Variants in PIWIL2 observed in about 807,000 individuals in gnomAD.
PIWIL2 encodes piwi-like protein 2.
Under a neutral mutation model 116.5 loss-of-function variants are expected in PIWIL2, and 81 were observed. That is an observed-to-expected ratio of 0.70 (90% CI 0.58 to 0.84). The LOEUF is 0.84. PIWIL2 is among the 40% of genes least tolerant of loss of function. The probability of loss-of-function intolerance (pLI) is 0.00; values close to 1 mark genes in which losing one functional copy is unlikely to be tolerated. For synonymous variants in PIWIL2, 489 were observed against 429.5 expected (o/e 1.14, Z -1.71); for missense variants, 1,272 against 1,212.3 (o/e 1.05, Z -0.73).
At chr8:22,285,960 A>C (rs1401628590) in intron 6 of PIWIL2, among the ~76,000 whole-genome samples, 1 of 152,086 alleles carries the variant, frequency 6.6e-6, no homozygotes, top group Non-Finnish European at 1.5e-5. Flanking sequence ...CTTCTATACT[A>C]TTTCTAAAGG....
chr8:22,280,715 A>G (rs78341576), intron 2 of PIWIL2, among the ~76,000 whole-genome samples: 7,623 of 152,294 alleles, frequency 0.05, 291 homozygotes, highest in Admixed American at 0.086. Flanking sequence ...GAAATGTATT[A>G]ACCAGTACAC....
At chr8:22,321,836 C>T (rs1186670632) in intron 20 of PIWIL2, 1 of 983,714 alleles carries the variant, frequency 1.0e-6, no homozygotes, top group African/African-American at 1.7e-5. Flanking sequence ...TTATTAATAT[C>T]TTCCCCTAGG....
chr8:22,315,692 G>C (rs1831442031), intron 18 of PIWIL2, among the ~76,000 whole-genome samples: 2 of 152,108 alleles, frequency 1.3e-5, no homozygotes, highest in Admixed American at 1.3e-4. Context: ...TATATGAAGT[G>C]AGTTTTCAGT....
intron 19 of PIWIL2, among the ~76,000 whole-genome samples, chr8:22,317,039 C>T (rs1267731832): frequency 6.6e-6 from 1 of 152,156 alleles, no homozygotes; most frequent in African/African-American, 2.4e-5. Context: ...CTCAGTCTCC[C>T]AAAGTGCTGG....
Position 22,281,490 on chromosome 8 carries a change from G to A in PIWIL2, c.400G>A (p.Ala134Thr). ...KVLAAGDSKM[A>T]ETSVGWSRTL... ...GTTGGCGGCTGGGGACAGCAAGATGGCAGAGACCTCCGTTGGTTGGAGTAG... is the reference window on the plus strand; with the variant it reads ...GTTGGCGGCTGGGGACAGCAAGATGACAGAGACCTCCGTTGGTTGGAGTAG... Residue 134 changes from alanine to threonine, a missense_variant, in exon 4 of 23, where the codon GCA becomes ACA. Coordinates refer to ENST00000356766, the MANE Select transcript of PIWIL2 (RefSeq NM_018068.5). 2 of 1,589,336 alleles carry A rather than the reference G, an allele frequency of 1.3e-6. No homozygotes were observed. The highest frequency in any genetic ancestry group is 1.7e-6 in the Non-Finnish European group (2 of 1,174,188).
Position 22,283,158 on chromosome 8 carries a change from C to A in PIWIL2, c.550C>A (p.Leu184Met). 1 of 1,614,204 alleles carries A rather than the reference C, an allele frequency of 6.2e-7. No homozygotes were observed. Among genetic ancestry groups the A allele is most frequent in the Non-Finnish European group, 8.5e-7 (1 of 1,180,030 alleles). ...FSTPSRGPPQLSSPPALPQSP... is the reference protein window; with the variant it reads ...FSTPSRGPPQMSSPPALPQSP... ...CACACCGTCCCGGGGTCCCCCGCAG[C>A]TGTCATCACCACCAGCTCTGCCCCA... Residue 184 changes from leucine to methionine, a missense_variant, in exon 5 of 23, where the codon CTG becomes ATG. By Grantham distance (15) the Leu-to-Met change is conservative (BLOSUM62 2). Transcript: ENST00000356766.
chr8:22,292,373 T>C (rs1000141201), intron 10 of PIWIL2, among the ~76,000 whole-genome samples: 11 of 152,296 alleles, frequency 7.2e-5, no homozygotes, highest in African/African-American at 2.6e-4. Flanking sequence ...GGTAATCCAG[T>C]GGAGCCATGA....
intron 18 of PIWIL2, among the ~76,000 whole-genome samples, chr8:22,315,763 C>T (rs761572148): frequency 2.6e-5 from 4 of 152,190 alleles, no homozygotes; most frequent in East Asian, 1.9e-4. Context: ...TCCATGACTG[C>T]TTTTGTGTTA....
In PIWIL2 at chr8:22,281,481, A is replaced by G; in HGVS notation, c.391A>G (p.Ser131Gly). Reference sequence around the variant, plus strand: ...TCCAAAAGTGTTGGCGGCTGGGGACAGCAAGATGGCAGAGACCTCCGTTGG... The same window carrying G: ...TCCAAAAGTGTTGGCGGCTGGGGACGGCAAGATGGCAGAGACCTCCGTTGG... ...WDPKVLAAGD[S>G]KMAETSVGWS... is the part of the protein sequence containing the mutation. Residue 131 changes from serine to glycine, a missense_variant, in exon 4 of 23, where the codon AGC becomes GGC. Transcript: ENST00000356766. The G allele has an allele frequency of 6.3e-7, 1 of 1,596,368 alleles. No individual in the cohort carries two copies. The highest frequency in any genetic ancestry group is 8.5e-7 in the Non-Finnish European group (1 of 1,176,038).
chr8:22,315,980 C>G (rs181106028), intron 18 of PIWIL2, among the ~76,000 whole-genome samples: 34 of 152,270 alleles, frequency 2.2e-4, no homozygotes, highest in Non-Finnish European at 3.8e-4. Context: ...AATGCTCAAC[C>G]TGTGTTTTCT....
At position 22,353,082 on chromosome 8, in the gene PIWIL2, T is replaced by G; in HGVS notation, c.2527T>G (p.Tyr843Asp). Residue 843 changes from tyrosine to aspartate, a missense_variant, in exon 21 of 23, where the codon TAT (tyrosine) becomes GAT (aspartate). Transcript: ENST00000356766. Reference sequence around the variant, plus strand: ...GAAGTGTTTTGAAGCTTTTGAGAATTATCAGCCCAAGATGGTGGTGTTTGT... The same window carrying G: ...GAAGTGTTTTGAAGCTTTTGAGAATGATCAGCCCAAGATGGTGGTGTTTGT... The part of the protein sequence containing the change: ...LQKCFEAFEN[Y>D]QPKMVVFVVQ... 6.2e-7 allele frequency: 1 copy of G among 1,614,194 alleles called. No homozygotes were observed. The highest frequency in any genetic ancestry group is 8.5e-7 in the Non-Finnish European group (1 of 1,180,030).
chr8:22,324,089 C>T (rs1344123728), intron 20 of PIWIL2, among the ~76,000 whole-genome samples: 1 of 152,124 alleles, frequency 6.6e-6, no homozygotes, highest in African/African-American at 2.4e-5. Context: ...TGATGAAACC[C>T]TGTCTTTACT....
chr8:22,276,112 A>G (rs1830361553), intron 1 of PIWIL2: 1 of 152,258 alleles, frequency 6.6e-6, no homozygotes, highest in Admixed American at 6.6e-5. Flanking sequence ...GCTCACCGAA[A>G]AGGGGTGTTA....
At chr8:22,339,369 G>T (rs1024753438) in intron 20 of PIWIL2, among the ~76,000 whole-genome samples, 1 of 151,958 alleles carries the variant, frequency 6.6e-6, no homozygotes, top group Non-Finnish European at 1.5e-5. Context: ...TTAGCTGGGC[G>T]TGGTGGCCCG....
chr8:22,281,125 T>C lies in PIWIL2; in HGVS notation c.204T>C (p.Ser68=), dbSNP rs1035599887. 17 of 1,605,830 alleles carry C rather than the reference T, an allele frequency of 1.1e-5. No individual in the cohort carries two copies. Among genetic ancestry groups the C allele is most frequent in the East Asian group, 4.5e-5 (2 of 44,782 alleles). The change falls in exon 3 of 23, where the codon TCT becomes TCC. Residue 68 remains serine, a synonymous_variant. Coordinates refer to ENST00000356766, the MANE Select transcript of PIWIL2 (RefSeq NM_018068.5). The stretch of plus-strand genomic sequence containing the variant: ...TATTCTTTGACTTTCCACAGGAGTC[T>C]GTGGGTTTGGTCTCCATGTTCCGAG... ...STQRGPAQRE[S]VGLVSMFRGL...
chr8:22,350,073 G>A (rs557232686), intron 20 of PIWIL2, among the ~76,000 whole-genome samples: 2 of 152,258 alleles, frequency 1.3e-5, no homozygotes, highest in East Asian at 1.9e-4. Context: ...TAGAGGCCAC[G>A]GATGATGCTA....
rs10626386 is a variant in PIWIL2, at chr8:22,340,045, ATTTTTTTT to A, written c.2404-12897_2404-12890del. On this transcript the variant is annotated intron_variant, in intron 20 of 22. Transcript: ENST00000356766. Reference sequence around the variant, plus strand: ...GAGTGAACCTAACTGTATAAAAAGAATTTTTTTTTTTTTTTTTTTTTTTTGAGAAGGAG... The same window carrying A: ...GAGTGAACCTAACTGTATAAAAAGAATTTTTTTTTTTTTTTTGAGAAGGAG... 4.8e-4 allele frequency among the ~76,000 whole-genome samples: 45 copies of A among 93,780 alleles called. No homozygotes were observed. In the South Asian group the frequency reaches 9.2e-3, roughly 19 times the overall value. 61.5% of individuals were successfully genotyped at this position (93,780 alleles called of 152,430 possible).
At chr8:22,279,209 T>C (rs1452880207) in intron 1 of PIWIL2, 132 bp from the exon 2 acceptor site, 1 of 598,960 alleles carries the variant, frequency 1.7e-6, no homozygotes, top group African/African-American at 1.9e-5. Context: ...TAGAAGCCTT[T>C]GAAGTGAATA....
Position 22,305,954 on chromosome 8 carries a change from C to T in PIWIL2, c.1483C>T (p.Pro495Ser), listed in dbSNP as rs766175030. The change falls in exon 13 of 23, where the codon CCT (proline) becomes TCT (serine). Residue 495 changes from proline to serine, a missense_variant. By Grantham distance (74) the Pro-to-Ser change is moderately conservative. Transcript: ENST00000356766. The part of the protein sequence containing the change: ...MLLKGEILLL[P>S]ELSFMTGIPE... ...GCTAAAAGGGGAAATCCTGCTGCTG[C>T]CTGAGCTTTCTTTTATGACCGGAAT... 95 of 1,613,856 alleles carry T rather than the reference C, an allele frequency of 5.9e-5. No homozygotes were observed. The highest frequency in any genetic ancestry group is 1.6e-4 in the Middle Eastern group (1 of 6,084).
Sources: allele counts gnomAD v4.1 joint callset (sites outside exome capture counted in the v4.1 genomes callset), GRCh38; gene constraint gnomAD v4.1.1; transcripts MANE v1.5; gene names NCBI Gene and HGNC (gene_info 2026-07-23, HGNC 2026-07-21).